LRMDA: variants seen among roughly 807,000 people sequenced by gnomAD.
LRMDA encodes the protein leucine-rich melanocyte differentiation-associated protein.
In LRMDA, 18 loss-of-function variants were observed where a neutral mutation model predicts 29.8. The observed-to-expected ratio is 0.60, with a 90% CI of 0.42 to 0.90. The LOEUF is 0.90. Ranked by LOEUF, LRMDA falls within the 40% of genes least tolerant of loss-of-function variation. The pLI, the probability that LRMDA is intolerant of heterozygous loss-of-function variation, is 0.00. For synonymous variants in LRMDA, 125 were observed against 109.4 expected, an observed-to-expected ratio of 1.14 and a Z score of -0.89; for missense variants, 273 against 273.9, an observed-to-expected ratio of 1.00 and a Z score of 0.02.
chr10:75,707,313 G>A (rs1224644872), intron 2 of LRMDA, among the ~76,000 whole-genome samples: 1 of 152,210 alleles, frequency 6.6e-6, no homozygotes, highest in East Asian at 1.9e-4. Flanking sequence ...CTGTAAGTGT[G>A]GGGCCCACAG....
chr10:76,051,115 A>C (rs1848524190), intron 4 of LRMDA, among the ~76,000 whole-genome samples: 1 of 152,248 alleles, frequency 6.6e-6, no homozygotes, highest in Admixed American at 6.5e-5. Context: ...GCCAAAGGGA[A>C]GGAGGGAGGG....
intron 2 of LRMDA, among the ~76,000 whole-genome samples, chr10:75,550,258 T>C (rs10762670): frequency 0.51 from 77,488 of 151,958 alleles, 22,322 homozygotes; most frequent in Non-Finnish European, 0.64. Flanking sequence ...TTATTTTTGA[T>C]CTACTTTTTA....
At chr10:76,258,489 G>A (rs1428585351) in intron 5 of LRMDA, among the ~76,000 whole-genome samples, 1 of 151,902 alleles carries the variant, frequency 6.6e-6, no homozygotes, top group African/African-American at 2.4e-5. Context: ...TCTAGCTACT[G>A]GGAATGATAT....
At chr10:75,967,337 A>G (rs953566931) in intron 2 of LRMDA, among the ~76,000 whole-genome samples, 1 of 152,312 alleles carries the variant, frequency 6.6e-6, no homozygotes, top group African/African-American at 2.4e-5. Context: ...TCCCTAGCCA[A>G]ACAATTTGTA....
chr10:75,780,382 T>A (rs1339125102), intron 2 of LRMDA, among the ~76,000 whole-genome samples: 1 of 152,140 alleles, frequency 6.6e-6, no homozygotes, highest in Non-Finnish European at 1.5e-5. Flanking sequence ...CAGGATTTGG[T>A]GAACACATGT....
At chr10:75,737,445 C>A (rs575184023) in intron 2 of LRMDA, among the ~76,000 whole-genome samples, 1 of 152,188 alleles carries the variant, frequency 6.6e-6, no homozygotes, top group East Asian at 1.9e-4. Flanking sequence ...TCTGGGAGGG[C>A]CTGGGCATGT....
At chr10:75,954,221 G>T (rs931846710) in intron 2 of LRMDA, among the ~76,000 whole-genome samples, 3 of 152,150 alleles carry the variant, frequency 2.0e-5, no homozygotes, top group Admixed American at 2.0e-4. Flanking sequence ...GACATGTGGG[G>T]ACTAACACCT....
At chr10:76,183,630 C>T (rs1413017270) in intron 5 of LRMDA, among the ~76,000 whole-genome samples, 2 of 152,230 alleles carry the variant, frequency 1.3e-5, no homozygotes, top group Non-Finnish European at 2.9e-5. Context: ...ATAAGCAGAT[C>T]AAGATCCATG....
At chr10:75,969,159 T>A (rs527647022) in intron 2 of LRMDA, among the ~76,000 whole-genome samples, 192 of 152,296 alleles carry the variant, frequency 1.3e-3, no homozygotes, top group African/African-American at 4.2e-3. Flanking sequence ...TAGATGGTTG[T>A]CTATGTTGCC....
chr10:75,686,057 G>A (rs1842078232), intron 2 of LRMDA, among the ~76,000 whole-genome samples: 1 of 152,208 alleles, frequency 6.6e-6, no homozygotes, highest in African/African-American at 2.4e-5. Flanking sequence ...TGCAGTGGGA[G>A]AGTTGGGATT....
intron 6 of LRMDA, among the ~76,000 whole-genome samples, chr10:76,345,387 G>A (rs1457998257): frequency 6.7e-6 from 1 of 149,694 alleles, no homozygotes; most frequent in Non-Finnish European, 1.5e-5. Flanking sequence ...AACCTTTTAA[G>A]CAAAGTCAAA....
intron 5 of LRMDA, among the ~76,000 whole-genome samples, chr10:76,179,779 A>G (rs1342168060): frequency 6.6e-6 from 1 of 152,170 alleles, no homozygotes; most frequent in Non-Finnish European, 1.5e-5. Context: ...TAGTGAGTCC[A>G]CTGCCTTGGA....
At chr10:76,157,616 A>T (rs1178758443) in intron 5 of LRMDA, among the ~76,000 whole-genome samples, 2 of 151,938 alleles carry the variant, frequency 1.3e-5, no homozygotes, top group Non-Finnish European at 2.9e-5. Flanking sequence ...ACTGTCTCTT[A>T]AAAACAAAAA....
intron 4 of LRMDA, among the ~76,000 whole-genome samples, chr10:76,049,386 C>T (rs1163111813): frequency 6.6e-6 from 1 of 152,242 alleles, no homozygotes; most frequent in Non-Finnish European, 1.5e-5. Context: ...TGCTTGCACT[C>T]TGAGAGAATC....
chr10:75,976,711 T>C (rs1049893611), intron 2 of LRMDA, among the ~76,000 whole-genome samples: 2 of 152,190 alleles, frequency 1.3e-5, no homozygotes, highest in African/African-American at 4.8e-5. Flanking sequence ...AGGATGTGGA[T>C]ATTATTATTA....
intron 2 of LRMDA, among the ~76,000 whole-genome samples, chr10:76,034,183 A>C (rs747052261): frequency 2.6e-4 from 40 of 152,014 alleles, no homozygotes; most frequent in Non-Finnish European, 3.8e-4. Flanking sequence ...GTGGGTTTTT[A>C]AATTTTTTTT....
chr10:76,037,860 T>C (rs1848278792), intron 3 of LRMDA, among the ~76,000 whole-genome samples: 1 of 152,228 alleles, frequency 6.6e-6, no homozygotes, highest in Admixed American at 6.5e-5. Context: ...CATAGTATTA[T>C]AAATATGCTC....
At chr10:76,244,249 C>T (rs1852332504) in intron 5 of LRMDA, among the ~76,000 whole-genome samples, 1 of 152,196 alleles carries the variant, frequency 6.6e-6, no homozygotes, top group African/African-American at 2.4e-5. Flanking sequence ...AAAGCTCACC[C>T]AACTCAGTGC....
intron 2 of LRMDA, among the ~76,000 whole-genome samples, chr10:75,448,419 T>C (rs901998760): frequency 5.9e-5 from 9 of 152,200 alleles, no homozygotes; most frequent in Non-Finnish European, 1.2e-4. Context: ...ATGTGAGTGG[T>C]GCTGCCTTCC....
Sources: allele counts gnomAD v4.1 joint callset (sites outside exome capture counted in the v4.1 genomes callset), GRCh38; gene constraint gnomAD v4.1.1; transcripts MANE v1.5; gene names NCBI Gene and HGNC (gene_info 2026-07-23, HGNC 2026-07-21).